The following TTN variants were observed in gnomAD, a reference collection of about 807,000 sequenced individuals.
TTN encodes connectin.
In TTN, 1,525 loss-of-function variants were observed where a neutral mutation model predicts 3,223.0. That is an observed-to-expected ratio of 0.47 (90% CI 0.45 to 0.49). The LOEUF is 0.49. Ranked by LOEUF, TTN falls within the 20% of genes least tolerant of loss-of-function variation. TTN has a pLI of 0.00. For synonymous variants in TTN, 14,094 were observed against 15,161.0 expected (o/e 0.93, Z 5.17); for missense variants, 40,786 against 43,424.0 (o/e 0.94, Z 5.40).
In TTN at chr2:178,721,976, T is replaced by C; in HGVS notation, c.22687A>G (p.Ile7563Val). The C allele has an allele frequency of 6.2e-7, 1 of 1,613,584 alleles. No individual in the cohort carries two copies. The highest frequency in any genetic ancestry group is 8.5e-7 in the Non-Finnish European group (1 of 1,179,616). The change falls in exon 78 of 363, where the codon ATC (isoleucine) becomes GTC (valine). Residue 7563 changes from isoleucine (I) to valine (V), a missense_variant. By Grantham distance (29) the Ile-to-Val change is conservative (BLOSUM62 3). Coordinates refer to ENST00000589042, the MANE Select transcript of TTN (RefSeq NM_001267550.2). ...TGAGGAGTGTTTCCCACACATGTGATTGTATAGTTTCCTCCAGGACGGATC... is the reference window on the plus strand; with the variant it reads ...TGAGGAGTGTTTCCCACACATGTGACTGTATAGTTTCCTCCAGGACGGATC... ...KEIRPGGNYTITCVGNTPHLR... is the reference protein window; with the variant it reads ...KEIRPGGNYTVTCVGNTPHLR...
rs749702063 is a variant in TTN, at chr2:178,537,119, T to C, written c.99990A>G (p.Lys33330=). ...GSWITNYVVE[K]CEAKEGAEWQ... ...ATTCAGCCCCCTCCTTGGCCTCACA[T>C]TTTTCCACCACATAGTTGGTGATCC... Residue 33330 remains lysine, a synonymous_variant, in exon 356 of 363, where the codon AAA becomes AAG. Coordinates refer to ENST00000589042, the MANE Select transcript of TTN (RefSeq NM_001267550.2). The C allele has an allele frequency of 5.0e-6, 8 of 1,613,280 alleles. No homozygotes were observed. Among genetic ancestry groups the C allele is most frequent in the Non-Finnish European group, 6.8e-6 (8 of 1,179,558 alleles).
rs727505323 is a variant in TTN at position 178,531,084 on chromosome 2, C to T, written c.105531G>A (p.Val35177=). ...QVLSTSARHQ[V]TTTKYKSTFE... ...AGGTTGATTTGTACTTTGTGGTGGT[C>T]ACTTGGTGGCGGGCAGAAGTACTTA... The change falls in exon 358 of 363, where the codon GTG becomes GTA. Residue 35177 remains valine (V), a synonymous_variant. Coordinates refer to ENST00000589042, the MANE Select transcript of TTN (RefSeq NM_001267550.2). 1.2e-6 allele frequency: 2 copies of T among 1,613,856 alleles called. No individual in the cohort carries two copies. Among genetic ancestry groups the T allele is most frequent in the Non-Finnish European group, 1.7e-6 (2 of 1,179,884 alleles).
At position 178,689,003 on chromosome 2, in the gene TTN, ATTTTTTTTTTTT is replaced by A. The variant is rs35770337; in HGVS notation, c.32095+38_32095+49del. 2.6e-5 allele frequency: 26 copies of A among 1,006,786 alleles called. 1 individual carries two copies. Among genetic ancestry groups the A allele is most frequent in the African/African-American group, 8.7e-5 (4 of 45,976 alleles). The allele number at this position is 1,006,786 out of a possible 1,614,324, so 62.4% of individuals were successfully genotyped here. On this transcript the variant is annotated intron_variant, in intron 125 of 362. Transcript: ENST00000589042. The stretch of plus-strand genomic sequence containing the variant: ...AAGCAAGAATTTAACACACTCGAAG[ATTTTTTTTTTTT>A]TTTTTTTTTTTTGTCAGAGGATTGA...
chr2:178,798,749 A>G (rs562113052), intron 6 of TTN: 1 of 152,308 alleles, frequency 6.6e-6, no homozygotes, highest in East Asian at 1.9e-4. Context: ...TGAACATTTA[A>G]TGAGATAATG....
chr2:178,670,132 G>T, intron 157 of TTN, 86 bp downstream of exon 157: 1 of 795,788 alleles, frequency 1.3e-6, no homozygotes, highest in Non-Finnish European at 1.8e-6. Flanking sequence ...GCCATCTTGT[G>T]GCATTGAGAA....
In TTN at chr2:178,607,782, T is replaced by C. The variant is rs1291251742; in HGVS notation, c.53002+3A>G. Reference sequence around the variant, plus strand: ...ATAATTTTATTCCAATAACGTTAAGTACCTTGTGGTTCAGCCACAGTAACA... The same window carrying C: ...ATAATTTTATTCCAATAACGTTAAGCACCTTGTGGTTCAGCCACAGTAACA... On this transcript the variant is annotated splice_donor_region_variant and intron_variant, in intron 276 of 362. Transcript: ENST00000589042. The C allele has an allele frequency of 6.2e-7, 1 of 1,612,714 alleles. No individual in the cohort carries two copies. Among genetic ancestry groups the C allele is most frequent in the East Asian group, 2.2e-5 (1 of 44,648 alleles).
In TTN at chr2:178,778,993, A is replaced by T. The variant is rs1388868828; in HGVS notation, c.4089T>A (p.Thr1363=). Residue 1363 remains threonine (T), a synonymous_variant, in exon 24 of 363, where the codon ACT becomes ACA. Coordinates refer to ENST00000589042, the MANE Select transcript of TTN (RefSeq NM_001267550.2). ...VVLPEDEGIY[T]AFASNIKGNA... The stretch of plus-strand genomic sequence containing the variant: ...TTCCTTTAATATTGCTGGCAAATGC[A>T]GTGTAGATTCCTTCATCTTCTGGAA... 16 of 1,614,044 alleles carry T rather than the reference A, an allele frequency of 9.9e-6. No homozygotes were observed. The highest frequency in any genetic ancestry group is 1.4e-5 in the Non-Finnish European group (16 of 1,179,950).
At chr2:178,658,378 A>G in intron 184 of TTN, 23 bp from the exon 185 acceptor site, 1 of 901,486 alleles carries the variant, frequency 1.1e-6, no homozygotes, top group South Asian at 1.8e-5. Context: ...TAGTATTTTT[A>G]TAATTTATGA....
Position 178,746,119 on chromosome 2 carries a change from G to A in TTN, c.11312-4198C>T, listed in dbSNP as rs778839761. The A allele has an allele frequency of 1.2e-5, 20 of 1,613,204 alleles. No individual in the cohort carries two copies. The highest frequency in any genetic ancestry group is 1.0e-4 in the Admixed American group (6 of 59,924). On this transcript the variant is annotated intron_variant, in intron 47 of 362. Transcript: ENST00000589042. Reference sequence around the variant, plus strand: ...GACTTCCCTTCTCCTCGCTAATCACGTATTTAATATTATCTGGCTCAATAC... The same window carrying A: ...GACTTCCCTTCTCCTCGCTAATCACATATTTAATATTATCTGGCTCAATAC...
At chr2:178,646,267 A>G (rs911062750) in intron 216 of TTN, among the ~76,000 whole-genome samples, 5 of 151,146 alleles carry the variant, frequency 3.3e-5, no homozygotes, top group African/African-American at 1.2e-4. Context: ...AAAGGCACCA[A>G]TAACAACAAC....
chr2:178,698,718 G>T, intron 112 of TTN, 125 bp downstream of exon 112: 1 of 867,724 alleles, frequency 1.2e-6, no homozygotes, highest in Non-Finnish European at 1.8e-6. Flanking sequence ...GCGAAAGTGA[G>T]TGAAGGGAGA....
chr2:178,746,111 C>T (rs756301013), intron 47 of TTN: 4 of 1,613,424 alleles, frequency 2.5e-6, no homozygotes, highest in East Asian at 2.2e-5. Context: ...CTTCTCCTCG[C>T]TAATCACGTA....
Position 178,620,042 on chromosome 2 carries a change from C to G in TTN, c.46375G>C (p.Glu15459Gln), listed in dbSNP as rs752596345. The G allele has an allele frequency of 6.2e-7, 1 of 1,611,962 alleles. No individual in the cohort carries two copies. Among genetic ancestry groups the G allele is most frequent in the Non-Finnish European group, 8.5e-7 (1 of 1,178,812 alleles). ...CTGTCTTCTACCCCGCAAGCATATT[C>G]ACACTCATCATCCAGCCTGCAATCT... Reference protein sequence around the residue: ...IKDCRLDDECEYACGVEDRKS... With the variant: ...IKDCRLDDECQYACGVEDRKS... Residue 15459 changes from glutamate (E) to glutamine (Q), a missense_variant, in exon 249 of 363, where the codon GAA becomes CAA. Physicochemically the swap from Glu to Gln is conservative, Grantham distance 29. Coordinates refer to ENST00000589042, the MANE Select transcript of TTN (RefSeq NM_001267550.2).
Position 178,562,201 on chromosome 2 carries a change from T to C in TTN, c.83931A>G (p.Arg27977=). ...ATGGCACATCAATCTTAAGTTGTTC[T>C]CTAGCCTTTACATTGAAAGTATGGA... ...LPFHTFNVKA[R]EQLKIDVPFK... is the part of the protein sequence containing the mutation. The change falls in exon 326 of 363, where the codon AGA becomes AGG. Residue 27977 remains arginine, a synonymous_variant. Coordinates refer to ENST00000589042, the MANE Select transcript of TTN (RefSeq NM_001267550.2). The C allele has an allele frequency of 6.2e-7, 1 of 1,612,884 alleles. No homozygotes were observed. The highest frequency in any genetic ancestry group is 8.5e-7 in the Non-Finnish European group (1 of 1,179,452).
chr2:178,760,261 G>T (rs375841506), intron 43 of TTN, among the ~76,000 whole-genome samples: 1 of 152,186 alleles, frequency 6.6e-6, no homozygotes, highest in Admixed American at 6.5e-5. Context: ...GCCAGGCGCG[G>T]TGCTTCACAC....
chr2:178,780,725 G>C (rs552084383), intron 21 of TTN, among the ~76,000 whole-genome samples: 178 of 152,272 alleles, frequency 1.2e-3, no homozygotes, highest in Non-Finnish European at 1.8e-3. Flanking sequence ...CACTGAGCCT[G>C]GTAACAGCCT....
intron 8 of TTN, 89 bp downstream of exon 8, chr2:178,794,310 C>A (rs2093657836): frequency 6.3e-7 from 1 of 1,581,546 alleles, no homozygotes; most frequent in African/African-American, 1.3e-5. Flanking sequence ...TTGAGCACAG[C>A]TGCATGCCAA....
intron 13 of TTN, among the ~76,000 whole-genome samples, chr2:178,788,110 C>T (rs774063734): frequency 1.3e-5 from 2 of 152,138 alleles, no homozygotes; most frequent in African/African-American, 2.4e-5. Flanking sequence ...CAATTCACGA[C>T]GGATGAAAAG....
chr2:178,612,231 A>T, intron 266 of TTN, 46 bp downstream of exon 266: 1 of 1,604,594 alleles, frequency 6.2e-7, no homozygotes, highest in Admixed American at 1.7e-5. Flanking sequence ...ACAAAAATTA[A>T]GTGCGAGAGC....
Sources: allele counts gnomAD v4.1 joint callset (sites outside exome capture counted in the v4.1 genomes callset), GRCh38; gene constraint gnomAD v4.1.1; transcripts MANE v1.5; gene names NCBI Gene and HGNC (gene_info 2026-07-23, HGNC 2026-07-21).